CAMKMT: variants seen among roughly 807,000 people sequenced by gnomAD.
CAMKMT encodes the protein calmodulin-lysine N-methyltransferase, also known as CaM KMT.
Under a neutral mutation model 48.0 loss-of-function variants are expected in CAMKMT, and 53 were observed. The observed-to-expected ratio is 1.10, with a 90% CI of 0.89 to 1.39. The LOEUF (loss-of-function observed/expected upper bound fraction) is 1.39. Ranked by LOEUF, CAMKMT falls within the 40% of genes most tolerant of loss-of-function variation. The pLI, the probability that CAMKMT is intolerant of heterozygous loss-of-function variation, is 0.00. For missense variants in CAMKMT, 428 were observed against 402.7 expected, an observed-to-expected ratio of 1.06 and a Z score of -0.54; for synonymous variants, 165 against 152.3, an observed-to-expected ratio of 1.08 and a Z score of -0.61.
At chr2:44,717,446 A>G (rs1018757510) in intron 7 of CAMKMT, among the ~76,000 whole-genome samples, 2 of 152,170 alleles carry the variant, frequency 1.3e-5, no homozygotes, top group African/African-American at 4.8e-5. Flanking sequence ...CCACTGATGT[A>G]ATAATCAGTA....
intron 3 of CAMKMT, among the ~76,000 whole-genome samples, chr2:44,700,921 G>A (rs1573110422): frequency 6.6e-6 from 1 of 152,144 alleles, no homozygotes; most frequent in East Asian, 1.9e-4. Context: ...ATAAAATGGA[G>A]TATTGCCTGT....
chr2:44,407,271 A>G (rs768967734), intron 3 of CAMKMT, among the ~76,000 whole-genome samples: 31 of 152,112 alleles, frequency 2.0e-4, no homozygotes, highest in Non-Finnish European at 3.5e-4. Context: ...TGTATGACAG[A>G]TCTCTGTGCT....
chr2:44,722,597 T>C (rs1678533030), intron 7 of CAMKMT, among the ~76,000 whole-genome samples: 1 of 152,062 alleles, frequency 6.6e-6, no homozygotes, highest in Non-Finnish European at 1.5e-5. Context: ...TTTGGAGATA[T>C]AGTGGCAAGA....
intron 3 of CAMKMT, among the ~76,000 whole-genome samples, chr2:44,503,052 CT>C (rs1670083306): frequency 6.6e-6 from 1 of 152,038 alleles, no homozygotes; most frequent in Admixed American, 6.6e-5. Flanking sequence ...CATTTTTATT[CT>C]GTTCCATGTT....
At chr2:44,382,588 T>G (rs931031734) in intron 2 of CAMKMT, among the ~76,000 whole-genome samples, 3 of 151,864 alleles carry the variant, frequency 2.0e-5, no homozygotes, top group African/African-American at 7.3e-5. Context: ...ATGCCGATCT[T>G]CTGCCTCAGC....
At chr2:44,702,364 T>A (rs1393505507) in intron 3 of CAMKMT, among the ~76,000 whole-genome samples, 2 of 152,228 alleles carry the variant, frequency 1.3e-5, no homozygotes, top group African/African-American at 4.8e-5. Flanking sequence ...TCACATATTC[T>A]CTCTTCCACT....
chr2:44,460,839 C>T (rs1667811622), intron 3 of CAMKMT, among the ~76,000 whole-genome samples: 2 of 150,862 alleles, frequency 1.3e-5, no homozygotes, highest in South Asian at 2.1e-4. Flanking sequence ...TCTCCAGCCT[C>T]AGCCTCCCGA....
intron 3 of CAMKMT, among the ~76,000 whole-genome samples, chr2:44,444,450 A>G (rs1456846022): frequency 6.6e-6 from 1 of 152,202 alleles, no homozygotes; most frequent in African/African-American, 2.4e-5. Context: ...AAAATGTTAA[A>G]AAGTCAAGGC....
At chr2:44,689,406 C>G (rs554526071) in intron 3 of CAMKMT, among the ~76,000 whole-genome samples, 86 of 151,844 alleles carry the variant, frequency 5.7e-4, no homozygotes, top group Admixed American at 9.8e-4. Context: ...TCAAGTGATT[C>G]TCCTGCCTCA....
chr2:44,429,504 C>A (rs1012657212), intron 3 of CAMKMT, among the ~76,000 whole-genome samples: 4 of 152,114 alleles, frequency 2.6e-5, no homozygotes, highest in Non-Finnish European at 5.9e-5. Flanking sequence ...CTACTAATGA[C>A]TCTTCCAAGG....
rs1043109566 is a variant in CAMKMT, at chr2:44,657,417, G to T, written c.377-46866G>T. Reference sequence around the variant, plus strand: ...ATGAATATTGTGAACCTGAAGTTCAGAATGACTCTTCCACCCTCCCTATGA... The same window carrying T: ...ATGAATATTGTGAACCTGAAGTTCATAATGACTCTTCCACCCTCCCTATGA... On this transcript the variant is annotated intron_variant, in intron 3 of 10. Transcript: ENST00000378494. The surrounding 1 kb of genome is among the most constrained non-coding windows in gnomAD (Gnocchi z 4.3). Among the ~76,000 whole-genome samples the T allele has an allele frequency of 6.6e-6, 1 of 152,170 alleles. No individual in the cohort carries two copies. Among genetic ancestry groups the T allele is most frequent in the Non-Finnish European group, 1.5e-5 (1 of 68,038 alleles).
intron 8 of CAMKMT, among the ~76,000 whole-genome samples, chr2:44,750,344 T>G (rs1680101361): frequency 2.0e-5 from 3 of 151,874 alleles, no homozygotes; most frequent in Admixed American, 2.0e-4. Flanking sequence ...TTTAGTAGAG[T>G]TGAGATTTCA....
At chr2:44,425,109 C>G (rs1275671137) in intron 3 of CAMKMT, among the ~76,000 whole-genome samples, 7 of 152,038 alleles carry the variant, frequency 4.6e-5, no homozygotes, top group Non-Finnish European at 8.8e-5. Flanking sequence ...TGCATATTTT[C>G]AAATTGCATG....
chr2:44,479,665 G>A (rs1668868452), intron 3 of CAMKMT, among the ~76,000 whole-genome samples: 1 of 152,076 alleles, frequency 6.6e-6, no homozygotes, highest in African/African-American at 2.4e-5. Flanking sequence ...GCATAACAAT[G>A]GCTCGATTTG....
intron 3 of CAMKMT, among the ~76,000 whole-genome samples, chr2:44,506,797 C>T (rs1412713746): frequency 6.6e-6 from 1 of 152,108 alleles, no homozygotes; most frequent in Non-Finnish European, 1.5e-5. Flanking sequence ...TCTGTTTAAA[C>T]CGTTCTTGCT....
chr2:44,506,274 C>G (rs1670257877), intron 3 of CAMKMT, among the ~76,000 whole-genome samples: 2 of 152,054 alleles, frequency 1.3e-5, no homozygotes, highest in South Asian at 2.1e-4. Flanking sequence ...AGTTGAAATT[C>G]AAGGAGAATG....
At chr2:44,761,781 C>A (rs1680630100) in intron 9 of CAMKMT, among the ~76,000 whole-genome samples, 1 of 152,160 alleles carries the variant, frequency 6.6e-6, no homozygotes, top group Non-Finnish European at 1.5e-5. Context: ...GCTTGCATAT[C>A]TGAGTGTATG....
intron 3 of CAMKMT, chr2:44,456,774 G>A (rs553577698): frequency 1.6e-6 from 1 of 611,272 alleles, no homozygotes; most frequent in Non-Finnish European, 2.6e-6. Flanking sequence ...TCTTTTCTGG[G>A]AGATCATTAA....
chr2:44,469,402 T>C (rs1668300880), intron 3 of CAMKMT, among the ~76,000 whole-genome samples: 1 of 152,062 alleles, frequency 6.6e-6, no homozygotes, highest in South Asian at 2.1e-4. Context: ...ATCCAAAGAT[T>C]GTGTATTTGG....
Sources: gnomAD v4.1 joint callset for allele counts (sites outside exome capture counted in the v4.1 genomes callset) on GRCh38, gnomAD v4.1.1 for gene constraint, Gnocchi (gnomAD v3.1) non-coding constraint, MANE v1.5 for transcripts, NCBI Gene and HGNC (gene_info 2026-07-23, HGNC 2026-07-21) for gene names.